LRRC7: variants seen among roughly 807,000 people sequenced by gnomAD.
The protein encoded by LRRC7 is leucine-rich repeat-containing protein 7.
In LRRC7, 23 loss-of-function variants were observed where a neutral mutation model predicts 175.7. The observed-to-expected ratio is 0.13, with a 90% CI of 0.09 to 0.19. LRRC7 has a LOEUF of 0.19. LRRC7 is among the 10% of genes least tolerant of loss of function. The probability of loss-of-function intolerance (pLI) is 1.00; values close to 1 mark genes in which losing one functional copy is unlikely to be tolerated. For synonymous variants in LRRC7, 685 were observed against 680.9 expected (o/e 1.01, Z -0.09); for missense variants, 1,354 against 1,904.7 (o/e 0.71, Z 5.38).
rs946489136 is a variant in LRRC7 at position 70,043,884 on chromosome 1, T to C, written c.3970-70T>C. On this transcript the variant is annotated intron_variant, in intron 21 of 26. Transcript: ENST00000651989. ...AAGTTAAATGTTATAAATTTAAACA[T>C]GTTCATGTAATTTATCAGTTTGTTG... is the stretch of plus-strand genomic sequence containing the variant. The C allele has an allele frequency of 5.4e-6, 8 of 1,494,094 alleles. No homozygotes were observed. In the African/African-American group the frequency reaches 8.3e-5, roughly 16 times the overall value. The allele number at this position is 1,494,094 out of a possible 1,614,324, so 92.6% of individuals were successfully genotyped here.
chr1:70,093,328 G>T (rs748806991), intron 25 of LRRC7, among the ~76,000 whole-genome samples: 1 of 152,064 alleles, frequency 6.6e-6, no homozygotes, highest in Non-Finnish European at 1.5e-5. Context: ...ATGAATTTAT[G>T]AATTTATGTG....
chr1:70,099,604 C>G (rs1372830486), intron 25 of LRRC7, among the ~76,000 whole-genome samples: 1 of 152,118 alleles, frequency 6.6e-6, no homozygotes, highest in Non-Finnish European at 1.5e-5. Flanking sequence ...TAAAATAGTG[C>G]AGATAGTGTC....
At chr1:69,723,000 A>C (rs943727792) in intron 2 of LRRC7, among the ~76,000 whole-genome samples, 1 of 151,988 alleles carries the variant, frequency 6.6e-6, no homozygotes, top group Non-Finnish European at 1.5e-5. Flanking sequence ...TTTTTATGTT[A>C]GTTTTTACCA....
At chr1:69,621,827 C>T (rs1050258836) in intron 1 of LRRC7, among the ~76,000 whole-genome samples, 7 of 152,184 alleles carry the variant, frequency 4.6e-5, no homozygotes, top group Non-Finnish European at 8.8e-5. Flanking sequence ...CTATTGCATT[C>T]TGTCAGCCAT....
At chr1:69,753,165 A>G (rs953146316) in intron 2 of LRRC7, among the ~76,000 whole-genome samples, 1 of 152,066 alleles carries the variant, frequency 6.6e-6, no homozygotes, top group Non-Finnish European at 1.5e-5. Flanking sequence ...CCATTCCACC[A>G]TATTGTATGC....
chr1:69,761,221 C>G (rs777840741), intron 3 of LRRC7, among the ~76,000 whole-genome samples: 1 of 151,780 alleles, frequency 6.6e-6, no homozygotes, highest in Non-Finnish European at 1.5e-5. Context: ...AGGATTTATA[C>G]GGCTGAGAAG....
chr1:69,841,794 G>GTC (rs1224723078), intron 7 of LRRC7, among the ~76,000 whole-genome samples: 2,893 of 152,144 alleles, frequency 0.019, 88 homozygotes, highest in African/African-American at 0.067. Flanking sequence ...CTGAGCTATG[G>GTC]ATTCACAATG....
In LRRC7 at chr1:70,127,064, G is replaced by A. The variant is rs578262795; in HGVS notation, c.*5177G>A. ...TTTGGGAGGAACTTTCTTGGGTAAC[G>A]CAGGAACCTGGAGTAGTAGCATTAA... On this transcript the variant is annotated 3_prime_UTR_variant, in exon 27 of 27. Coordinates refer to ENST00000651989, the MANE Select transcript of LRRC7 (RefSeq NM_001370785.2). Among the ~76,000 whole-genome samples the A allele has an allele frequency of 4.1e-4, 62 of 152,290 alleles. No homozygotes were observed. Among genetic ancestry groups the A allele is most frequent in the African/African-American group, 1.4e-3 (57 of 41,578 alleles).
chr1:69,697,127 G>C (rs556836684), intron 2 of LRRC7, among the ~76,000 whole-genome samples: 1 of 152,084 alleles, frequency 6.6e-6, no homozygotes, highest in African/African-American at 2.4e-5. Context: ...AAATCTCTAT[G>C]TTTCTCATAA....
chr1:69,674,333 C>A (rs1393466144), intron 1 of LRRC7, among the ~76,000 whole-genome samples: 1 of 152,136 alleles, frequency 6.6e-6, no homozygotes, highest in Non-Finnish European at 1.5e-5. Flanking sequence ...CCTTCTTCTA[C>A]TTCTGATGAG....
At chr1:69,753,045 C>T (rs778264104) in intron 2 of LRRC7, among the ~76,000 whole-genome samples, 11 of 152,032 alleles carry the variant, frequency 7.2e-5, no homozygotes, top group East Asian at 1.9e-4. Context: ...GTATACTGGA[C>T]GGTGGCCATG....
chr1:69,744,465 C>G (rs1406219522), intron 2 of LRRC7, among the ~76,000 whole-genome samples: 3 of 151,740 alleles, frequency 2.0e-5, no homozygotes, highest in African/African-American at 4.8e-5. Flanking sequence ...CATTTTGTCT[C>G]CATCGATGTT....
At chr1:69,996,137 C>T (rs1654939796) in intron 11 of LRRC7, among the ~76,000 whole-genome samples, 1 of 151,556 alleles carries the variant, frequency 6.6e-6, no homozygotes, top group Non-Finnish European at 1.5e-5. Flanking sequence ...TTTTGATTTG[C>T]ATTTCTCTGA....
chr1:69,879,055 T>A, intron 7 of LRRC7, among the ~76,000 whole-genome samples: 1 of 150,082 alleles, frequency 6.7e-6, no homozygotes. Flanking sequence ...GGACTTTGGG[T>A]GACTATAATG....
At chr1:69,753,891 A>G (rs1670119380) in intron 2 of LRRC7, among the ~76,000 whole-genome samples, 1 of 152,084 alleles carries the variant, frequency 6.6e-6, no homozygotes, top group African/African-American at 2.4e-5. Flanking sequence ...GAAAGAAGTC[A>G]TTCTCCCTTT....
chr1:69,960,409 TTTA>T (rs532708758), intron 8 of LRRC7, among the ~76,000 whole-genome samples: 84 of 152,210 alleles, frequency 5.5e-4, no homozygotes, highest in Non-Finnish European at 1.0e-3. Context: ...AGCTATCTGT[TTTA>T]TTAAGTTTTT....
At chr1:69,954,058 T>C (rs1650235175) in intron 8 of LRRC7, among the ~76,000 whole-genome samples, 2 of 152,044 alleles carry the variant, frequency 1.3e-5, no homozygotes, top group African/African-American at 2.4e-5. Context: ...TTGAACATAG[T>C]AGTTTCTCAA....
chr1:69,572,241 C>T (rs1471858942), intron 1 of LRRC7, among the ~76,000 whole-genome samples: 5 of 151,992 alleles, frequency 3.3e-5, no homozygotes, highest in Non-Finnish European at 5.9e-5. Context: ...CAACATCAGT[C>T]TTCAATAGAG....
intron 1 of LRRC7, among the ~76,000 whole-genome samples, chr1:69,635,192 C>T (rs1653134079): frequency 6.6e-6 from 1 of 151,992 alleles, no homozygotes; most frequent in Non-Finnish European, 1.5e-5. Flanking sequence ...GTTTTCTGTT[C>T]CTGTGTTCAT....
Sources: gnomAD v4.1 joint callset for allele counts (sites outside exome capture counted in the v4.1 genomes callset) on GRCh38, gnomAD v4.1.1 for gene constraint, MANE v1.5 for transcripts, NCBI Gene and HGNC (gene_info 2026-07-23, HGNC 2026-07-21) for gene names.